Variants in TRNT1 observed in about 807,000 individuals in gnomAD.
TRNT1 encodes CCA tRNA nucleotidyltransferase 1, mitochondrial.
A neutral mutation model predicts 45.6 loss-of-function variants in TRNT1; 44 were observed. The observed-to-expected ratio is 0.97, with a 90% CI of 0.76 to 1.24. The LOEUF (loss-of-function observed/expected upper bound fraction) is 1.24, where lower values mean the gene tolerates loss of function less well. Ranked by LOEUF, TRNT1 falls within the 50% of genes most tolerant of loss-of-function variation. TRNT1 has a pLI of 0.00. For synonymous variants in TRNT1, 201 were observed against 171.4 expected (o/e 1.17, Z -1.35); for missense variants, 633 against 504.4 (o/e 1.25, Z -2.44).
intron 4 of TRNT1, among the ~76,000 whole-genome samples, chr3:3,143,607 G>C (rs1441244078): frequency 6.6e-6 from 1 of 152,206 alleles, no homozygotes; most frequent in East Asian, 1.9e-4. Flanking sequence ...GCCGGGCATG[G>C]TGGCTTATGC....
downstream of TRNT1, chr3:3,149,824 T>TAAAC (rs1369670486): frequency 2.6e-5 from 4 of 152,134 alleles, no homozygotes. Context: ...TACATTTGAG[T>TAAAC]AAACATTTAA....
chr3:3,143,037 C>G (rs943730232), intron 4 of TRNT1, among the ~76,000 whole-genome samples: 1 of 152,180 alleles, frequency 6.6e-6, no homozygotes, highest in Admixed American at 6.5e-5. Context: ...AGAGAACATT[C>G]AAGTTCAAAC....
At chr3:3,129,458 G>A (rs1340591841) in intron 2 of TRNT1, 9 of 417,166 alleles carry the variant, frequency 2.2e-5, no homozygotes, top group Non-Finnish European at 1.3e-5. Context: ...TTGGCTGGGT[G>A]TACCCAGCCT....
At chr3:3,133,493 C>G (rs952041999) in intron 2 of TRNT1, among the ~76,000 whole-genome samples, 1 of 151,864 alleles carries the variant, frequency 6.6e-6, no homozygotes, top group Admixed American at 6.6e-5. Flanking sequence ...GGGGTCAGGG[C>G]TGCAGAGTGA....
chr3:3,133,762 C>A (rs1418096293), intron 2 of TRNT1, among the ~76,000 whole-genome samples: 1 of 152,030 alleles, frequency 6.6e-6, no homozygotes, highest in Non-Finnish European at 1.5e-5. Context: ...ATAGGGACAA[C>A]TGATCACTCT....
intron 7 of TRNT1, 53 bp from the exon 8 acceptor site, chr3:3,147,853 T>G: frequency 6.4e-7 from 1 of 1,563,222 alleles, no homozygotes; most frequent in Non-Finnish European, 8.6e-7. Context: ...GATAAGATTG[T>G]AAGTGTATGT....
downstream of TRNT1, chr3:3,152,433 A>G: frequency 6.2e-7 from 1 of 1,601,568 alleles, no homozygotes; most frequent in Non-Finnish European, 8.5e-7. Context: ...GAAAAAAAAA[A>G]GCAACCACCA....
chr3:3,140,460 A>G, intron 3 of TRNT1, 50 bp from the exon 4 acceptor site: 4 of 1,591,508 alleles, frequency 2.5e-6, no homozygotes, highest in Non-Finnish European at 3.4e-6. Flanking sequence ...ATTCAGTAGT[A>G]TGAAAACCTA....
rs1706263060 is a variant in TRNT1 at position 3,148,956 on chromosome 3, T to C, written c.*802T>C. ...TTATTAATTAAAAGGATATGGCTAT[T>C]ATTATATATTCTCTAAAGATTTGAG... On this transcript the variant is annotated 3_prime_UTR_variant, in exon 8 of 8. Transcript: ENST00000251607. 1 of 51,130 alleles carries C rather than the reference T, an allele frequency of 2.0e-5. No individual in the cohort carries two copies. Among genetic ancestry groups the C allele is most frequent in the South Asian group, 7.7e-4 (1 of 1,302 alleles). 3.2% of individuals were successfully genotyped at this position (51,130 alleles called of 1,614,324 possible). A position where few individuals can be genotyped will look rare whatever the true frequency, so the allele number is the denominator to read the frequency against.
Position 3,129,175 on chromosome 3 carries a change from G to A in TRNT1, c.135G>A (p.Leu45=). The change falls in exon 2 of 8, where the codon CTG becomes CTA. Residue 45 remains leucine (L), a synonymous_variant. Coordinates refer to ENST00000251607, the MANE Select transcript of TRNT1 (RefSeq NM_182916.3). The part of the protein sequence containing the change: ...PEFQSLFTEG[L]KSLTELFVKE... The stretch of plus-strand genomic sequence containing the variant: ...TCCAGTCACTTTTCACAGAAGGACT[G>A]AAGAGTCTGACAGGTGAGAGATTAG... The A allele has an allele frequency of 6.2e-7, 1 of 1,614,152 alleles. No individual in the cohort carries two copies. Among genetic ancestry groups the A allele is most frequent in the East Asian group, 2.2e-5 (1 of 44,888 alleles).
intron 2 of TRNT1, 62 bp downstream of exon 2, chr3:3,129,250 A>C (rs1274145645): frequency 7.1e-7 from 1 of 1,415,460 alleles, no homozygotes; most frequent in African/African-American, 1.4e-5. Flanking sequence ...GTAGAGGGTT[A>C]ACTTTTTAAG....
At chr3:3,145,493 A>AAAT (rs1294507123) in intron 5 of TRNT1, 1 of 117,362 alleles carries the variant, frequency 8.5e-6, no homozygotes, top group Non-Finnish European at 1.9e-5. Flanking sequence ...ACAGAGCGAG[A>AAAT]CTCCATCTCA....
At chr3:3,139,686 G>A (rs1339021699) in intron 3 of TRNT1, among the ~76,000 whole-genome samples, 2 of 152,116 alleles carry the variant, frequency 1.3e-5, no homozygotes, top group South Asian at 2.1e-4. Flanking sequence ...CCCAGCTGGA[G>A]GTAGTCTGTC....
In TRNT1 at chr3:3,147,491, A is replaced by G; in HGVS notation, c.844A>G (p.Ser282Gly). 6.2e-7 allele frequency: 1 copy of G among 1,613,846 alleles called. No homozygotes were observed. The highest frequency in any genetic ancestry group is 8.5e-7 in the Non-Finnish European group (1 of 1,179,782). ...AAGTTTAGAAGAATTTGACAAAGTC[A>G]GTAAAAATGTTGATGGTTTTTCACC... ...NASLEEFDKV[S>G]KNVDGFSPKP... The change falls in exon 7 of 8, where the codon AGT becomes GGT. Residue 282 changes from serine (S) to glycine (G), a missense_variant. By Grantham distance (56) the Ser-to-Gly change is moderately conservative. Coordinates refer to ENST00000251607, the MANE Select transcript of TRNT1 (RefSeq NM_182916.3).
downstream of TRNT1, chr3:3,150,846 TTATCTC>T (rs774140838): frequency 7.4e-6 from 10 of 1,358,414 alleles, no homozygotes; most frequent in Admixed American, 1.1e-4. Flanking sequence ...TTAGATAACT[TTATCTC>T]TATCACATCT....
chr3:3,151,029 C>T (rs748311975), downstream of TRNT1: 11 of 1,613,640 alleles, frequency 6.8e-6, no homozygotes, highest in Non-Finnish European at 9.3e-6. Context: ...TTACACTGGG[C>T]AACAGTCCAG....
intron 4 of TRNT1, among the ~76,000 whole-genome samples, chr3:3,141,438 A>ATGAC (rs1705646852): frequency 6.6e-6 from 1 of 152,220 alleles, no homozygotes; most frequent in African/African-American, 2.4e-5. Context: ...ACAATGGTGA[A>ATGAC]TGACTTCAGC....
chr3:3,150,847 T>TC, downstream of TRNT1: 4 of 1,428,192 alleles, frequency 2.8e-6, no homozygotes, highest in Non-Finnish European at 3.9e-6. Flanking sequence ...TAGATAACTT[T>TC]ATCTCTATCA....
Position 3,148,827 on chromosome 3 carries a change from AAAAC to A in TRNT1, c.*679_*682del, listed in dbSNP as rs768350248. ...CCTATTAATTAATTATTGTTTTAAT[AAAAC>A]AAACATTGGTATTGGAAGATAAATA... On this transcript the variant is annotated 3_prime_UTR_variant, in exon 8 of 8. Coordinates refer to ENST00000251607, the MANE Select transcript of TRNT1 (RefSeq NM_182916.3). 2 of 152,084 alleles carry A rather than the reference AAAAC, an allele frequency of 1.3e-5. No homozygotes were observed. Among genetic ancestry groups the A allele is most frequent in the African/African-American group, 2.4e-5 (1 of 41,430 alleles). The allele number at this position is 152,084 out of a possible 1,614,324, so 9.4% of individuals were successfully genotyped here.
Sources: gnomAD v4.1 joint callset for allele counts (sites outside exome capture counted in the v4.1 genomes callset) on GRCh38, gnomAD v4.1.1 for gene constraint, MANE v1.5 for transcripts, NCBI Gene and HGNC (gene_info 2026-07-23, HGNC 2026-07-21) for gene names.